Variants in PIGO observed in about 807,000 individuals in gnomAD.
The protein encoded by PIGO is GPI ethanolamine phosphate transferase 3, catalytic subunit.
PIGO carries 66 observed loss-of-function variants against 86.9 expected under a neutral mutation model. The observed-to-expected ratio is 0.76, with a 90% confidence interval of 0.62 to 0.93. The LOEUF is 0.93. PIGO is among the 40% of genes least tolerant of loss of function. The probability of loss-of-function intolerance (pLI) is 0.00; values close to 1 mark genes in which losing one functional copy is unlikely to be tolerated. For missense variants in PIGO, 1,202 were observed against 1,359.1 expected, an observed-to-expected ratio of 0.88 and a Z score of 1.82; for synonymous variants, 570 against 556.4, an observed-to-expected ratio of 1.02 and a Z score of -0.34.
intron 2 of PIGO, among the ~76,000 whole-genome samples, chr9:35,094,600 G>A (rs547566834): frequency 6.6e-6 from 1 of 152,218 alleles, no homozygotes; most frequent in South Asian, 2.1e-4. Flanking sequence ...TCCTAGTTCT[G>A]TCTCTGGGTA....
intron 6 of PIGO, 51 bp downstream of exon 6, chr9:35,092,979 T>C: frequency 6.4e-7 from 1 of 1,561,278 alleles, no homozygotes; most frequent in Non-Finnish European, 8.7e-7. Flanking sequence ...ATTATGCTTC[T>C]TTCATGCCCA....
chr9:35,094,370 A>T lies in PIGO; in HGVS notation c.512-11T>A, dbSNP rs902029815. On this transcript the variant is annotated splice_polypyrimidine_tract_variant and intron_variant, in intron 2 of 10. Coordinates refer to ENST00000378617, the MANE Select transcript of PIGO (RefSeq NM_032634.4). The stretch of plus-strand genomic sequence containing the variant: ...AGACTACACGCCTTCCTGCAGGGAC[A>T]TGAAAGAGAAGTCAGAGCCTGAGCA... The T allele has an allele frequency of 1.9e-6, 3 of 1,596,554 alleles. No individual in the cohort carries two copies. Among genetic ancestry groups the T allele is most frequent in the Non-Finnish European group, 2.6e-6 (3 of 1,175,500 alleles).
chr9:35,089,136 C>G lies in PIGO; in HGVS notation c.3226G>C (p.Val1076Leu), dbSNP rs753335277. The change falls in exon 11 of 11, where the codon GTG becomes CTG. Residue 1076 changes from valine to leucine, a missense_variant. By Grantham distance (32) the Val-to-Leu change is conservative. Coordinates refer to ENST00000378617, the MANE Select transcript of PIGO (RefSeq NM_032634.4). ...IALVMRVDGAVSSWFRQLFLA... is the reference protein window; with the variant it reads ...IALVMRVDGALSSWFRQLFLA... ...AATAGCTGCCTGAACCAGGAGCTCA[C>G]AGCACCATCCACTCTCATCACCAAA... The G allele has an allele frequency of 1.2e-6, 2 of 1,614,056 alleles. No individual in the cohort carries two copies. The highest frequency in any genetic ancestry group is 2.7e-5 in the African/African-American group (2 of 74,906).
rs1166635670 is a variant in PIGO, at chr9:35,092,224, ACAG to A, written c.1660_1662del (p.Leu554del). 6.2e-7 allele frequency: 1 copy of A among 1,614,084 alleles called. No homozygotes were observed. Among genetic ancestry groups the A allele is most frequent in the African/African-American group, 1.3e-5 (1 of 74,932 alleles). ...TCAGAGAAGAACACAGCCAAGCGAA[ACAG>A]CAGGAGTAACAGGACGGGCCCAGGG... On this transcript the variant is annotated inframe_deletion, in exon 7 of 11. Transcript: ENST00000378617.
chr9:35,095,149 G>A lies in PIGO; in HGVS notation c.417C>T (p.Thr139=), dbSNP rs1829607462. The A allele has an allele frequency of 6.2e-7, 1 of 1,614,230 alleles. No individual in the cohort carries two copies. Among genetic ancestry groups the A allele is most frequent in the East Asian group, 2.2e-5 (1 of 44,886 alleles). ...TTTMQRLKAL[T]TGSLPTFIDA... is the part of the protein sequence containing the mutation. ...CAATAAAGGTAGGCAGTGAGCCAGT[G>A]GTGAGGGCCTTGAGGCGCTGCATGG... Residue 139 remains threonine (T), a synonymous_variant, in exon 2 of 11, where the codon ACC becomes ACT. Transcript: ENST00000378617.
intron 9 of PIGO, chr9:35,089,842 C>A (rs1249269373): frequency 7.1e-7 from 1 of 1,408,508 alleles, no homozygotes; most frequent in South Asian, 1.6e-5. Flanking sequence ...ATGCAACTAG[C>A]GGGGTCCAGA....
chr9:35,093,694 C>T, intron 4 of PIGO, 114 bp from the exon 5 acceptor site: 2 of 1,426,400 alleles, frequency 1.4e-6, no homozygotes, highest in Non-Finnish European at 1.9e-6. Flanking sequence ...ATTAGTAAGG[C>T]CTAGACCTTT....
chr9:35,089,217 T>C lies in PIGO; in HGVS notation c.3145A>G (p.Ile1049Val). The C allele has an allele frequency of 6.2e-7, 1 of 1,614,156 alleles. No homozygotes were observed. The highest frequency in any genetic ancestry group is 1.1e-5 in the South Asian group (1 of 91,080). ...ACAATGAAGCCCACAGCCTCAAATA[T>C]GAACCTGCAAAGAAAGGCGGAGAAT... ...MVWKVFAPKF[I>V]FEAVGFIVSS... Residue 1049 changes from isoleucine (I) to valine (V), a missense_variant, in exon 11 of 11, where the codon ATA (isoleucine) becomes GTA (valine). By Grantham distance (29) the Ile-to-Val change is conservative. Coordinates refer to ENST00000378617, the MANE Select transcript of PIGO (RefSeq NM_032634.4).
At chr9:35,089,611 T>G in intron 9 of PIGO, 161 bp from the exon 10 acceptor site, 1 of 1,461,742 alleles carries the variant, frequency 6.8e-7, no homozygotes, top group Non-Finnish European at 9.0e-7. Context: ...GGAGACCTAC[T>G]TCCTGCCCTG....
At position 35,090,246 on chromosome 9, in the gene PIGO, C is replaced by G. The variant is rs959471469; in HGVS notation, c.2889G>C (p.Leu963=). The G allele has an allele frequency of 1.4e-5, 22 of 1,614,048 alleles. No individual in the cohort carries two copies. The highest frequency in any genetic ancestry group is 1.9e-5 in the Non-Finnish European group (22 of 1,180,048). Residue 963 remains leucine (L), a synonymous_variant, in exon 9 of 11, where the codon CTG becomes CTC. Coordinates refer to ENST00000378617, the MANE Select transcript of PIGO (RefSeq NM_032634.4). ...TCTTCCGCAGCCCTTGACTCTCACACAGGAAAGGCCAGAGCAGGAGCAGTG... is the reference window on the plus strand; with the variant it reads ...TCTTCCGCAGCCCTTGACTCTCACAGAGGAAAGGCCAGAGCAGGAGCAGTG... ...GCPLLLLWPF[L]CESQGLRKRQ...
At chr9:35,094,995 C>A in intron 2 of PIGO, 60 bp downstream of exon 2, 1 of 1,533,288 alleles carries the variant, frequency 6.5e-7, no homozygotes, top group Non-Finnish European at 8.8e-7. Flanking sequence ...GACTCCCTGA[C>A]TTCAAATTTT....
Position 35,089,146 on chromosome 9 carries a change from C to A in PIGO, c.3216G>T (p.Val1072=). 2 of 1,614,166 alleles carry A rather than the reference C, an allele frequency of 1.2e-6. No individual in the cohort carries two copies. Among genetic ancestry groups the A allele is most frequent in the Admixed American group, 1.7e-5 (1 of 60,026 alleles). ...LLLGIALVMR[V]DGAVSSWFRQ... ...TGAACCAGGAGCTCACAGCACCATC[C>A]ACTCTCATCACCAAAGCTATGCCCA... Residue 1072 remains valine, a synonymous_variant, in exon 11 of 11, where the codon GTG becomes GTT. Transcript: ENST00000378617.
At chr9:35,094,534 T>A (rs1829581199) in intron 2 of PIGO, among the ~76,000 whole-genome samples, 175 bp from the exon 3 acceptor site, 1 of 152,180 alleles carries the variant, frequency 6.6e-6, no homozygotes, top group African/African-American at 2.4e-5. Flanking sequence ...CAGGAAGCTT[T>A]CCCTGATAAC....
chr9:35,090,051 C>T lies in PIGO; in HGVS notation c.3069+15G>A. 1 of 1,602,232 alleles carries T rather than the reference C, an allele frequency of 6.2e-7. No individual in the cohort carries two copies. The highest frequency in any genetic ancestry group is 8.5e-7 in the Non-Finnish European group (1 of 1,170,720). ...AGAAAAAACACCAACTCCCTGATCT[C>T]TCTCCTACACCCACCTGAATACCAA... On this transcript the variant is annotated intron_variant, in intron 9 of 10. Coordinates refer to ENST00000378617, the MANE Select transcript of PIGO (RefSeq NM_032634.4).
chr9:35,095,489 C>A lies in PIGO; in HGVS notation c.77G>T (p.Ser26Ile). 1 of 1,613,064 alleles carries A rather than the reference C, an allele frequency of 6.2e-7. No homozygotes were observed. ...LFYAGIALFT[S>I]GFLLTRLELT... ...CTCCAAACGGGTGAGCAGGAAGCCA[C>A]TGGTGAAGAGGGCAATGCCAGCGTA... The change falls in exon 2 of 11, where the codon AGT becomes ATT. Residue 26 changes from serine to isoleucine, a missense_variant. Coordinates refer to ENST00000378617, the MANE Select transcript of PIGO (RefSeq NM_032634.4).
In PIGO at chr9:35,093,538, C is replaced by A; in HGVS notation, c.822G>T (p.Val274=). The A allele has an allele frequency of 6.2e-7, 1 of 1,614,034 alleles. No homozygotes were observed. Among genetic ancestry groups the A allele is most frequent in the South Asian group, 1.1e-5 (1 of 91,054 alleles). The change falls in exon 5 of 11, where the codon GTG becomes GTT. Residue 274 remains valine (V), a synonymous_variant. Coordinates refer to ENST00000378617, the MANE Select transcript of PIGO (RefSeq NM_032634.4). ...TTGTGGTCATCCCATGGTCCCCAGC[C>A]ACTACCAGCAGTGTGTCATTCTCCA... ...ERLENDTLLV[V]AGDHGMTTNG... is the part of the protein sequence containing the mutation.
intron 9 of PIGO, 107 bp from the exon 10 acceptor site, chr9:35,089,557 G>A: frequency 6.5e-7 from 1 of 1,548,960 alleles, no homozygotes; most frequent in Non-Finnish European, 8.7e-7. Flanking sequence ...GGAGAATAGT[G>A]CATGTCAGTG....
Position 35,090,593 on chromosome 9 carries a change from C to T in PIGO, c.2727G>A (p.Gln909=). Residue 909 remains glutamine, a synonymous_variant, in exon 8 of 11, where the codon CAG becomes CAA. Transcript: ENST00000378617. Reference sequence around the variant, plus strand: ...GCCAATGGATGGCTGGAAAGACAGGCTGGTGGCCTGTGGAGTAGAAGGTCT... The same window carrying T: ...GCCAATGGATGGCTGGAAAGACAGGTTGGTGGCCTGTGGAGTAGAAGGTCT... ...ATQTFYSTGH[Q]PVFPAIHWHA... 6.2e-7 allele frequency: 1 copy of T among 1,614,192 alleles called. No homozygotes were observed. Among genetic ancestry groups the T allele is most frequent in the Non-Finnish European group, 8.5e-7 (1 of 1,180,038 alleles).
chr9:35,093,478 G>A lies in PIGO; in HGVS notation c.882C>T (p.Val294=). The change falls in exon 5 of 11, where the codon GTC becomes GTT. Residue 294 remains valine (V), a synonymous_variant. Coordinates refer to ENST00000378617, the MANE Select transcript of PIGO (RefSeq NM_032634.4). ...GGCTATACAGAAAGAGAGCAGCTGA[G>A]ACCTCCAGCTCACTGTCCCCTCCAT... ...GDHGGDSELE[V]SAALFLYSPT... The A allele has an allele frequency of 1.9e-6, 3 of 1,614,154 alleles. No homozygotes were observed. The highest frequency in any genetic ancestry group is 2.5e-6 in the Non-Finnish European group (3 of 1,180,024).
Sources: allele counts gnomAD v4.1 joint callset (sites outside exome capture counted in the v4.1 genomes callset), GRCh38; gene constraint gnomAD v4.1.1; transcripts MANE v1.5; gene names NCBI Gene and HGNC (gene_info 2026-07-23, HGNC 2026-07-21).